FBP2: variants seen among roughly 807,000 people sequenced by gnomAD.
FBP2 encodes fructose-1,6-bisphosphatase isozyme 2.
FBP2 carries 27 observed loss-of-function variants against 31.6 expected under a neutral mutation model. The observed-to-expected ratio is 0.85, with a 90% CI of 0.63 to 1.18. The LOEUF (loss-of-function observed/expected upper bound fraction) is 1.18, where lower values mean the gene tolerates loss of function less well. Among genes scored for constraint, FBP2 ranks in the 50% most tolerant of loss-of-function variants. The pLI is 0.00. For synonymous variants in FBP2, 168 were observed against 179.8 expected (o/e 0.93, Z 0.53); for missense variants, 421 against 436.1 (o/e 0.97, Z 0.31).
At chr9:94,582,775 C>T (rs1478653657) in intron 3 of FBP2, among the ~76,000 whole-genome samples, 4 of 151,686 alleles carry the variant, frequency 2.6e-5, no homozygotes. Flanking sequence ...GTCTCGATCT[C>T]CTGACCTCGT....
At chr9:94,580,521 T>C (rs1056733336) in intron 3 of FBP2, among the ~76,000 whole-genome samples, 2 of 152,230 alleles carry the variant, frequency 1.3e-5, no homozygotes, top group African/African-American at 4.8e-5. Context: ...CCAGCCTGGA[T>C]TGCCTTTTCA....
At chr9:94,579,537 T>C (rs1827355551) in intron 3 of FBP2, among the ~76,000 whole-genome samples, 1 of 152,150 alleles carries the variant, frequency 6.6e-6, no homozygotes, top group Admixed American at 6.5e-5. Context: ...GTATTAAAGT[T>C]TGTGGAGAAT....
chr9:94,568,559 C>G (rs969492640), intron 4 of FBP2: 1 of 152,178 alleles, frequency 6.6e-6, no homozygotes, highest in African/African-American at 2.4e-5. Flanking sequence ...TCCAAAATGA[C>G]AGCTCACAGT....
intron 3 of FBP2, among the ~76,000 whole-genome samples, chr9:94,573,796 T>C (rs1266621758): frequency 1.3e-5 from 2 of 152,238 alleles, no homozygotes; most frequent in Non-Finnish European, 2.9e-5. Flanking sequence ...TTTTGAACAA[T>C]CTTTGTCTGG....
chr9:94,578,164 T>C (rs929822664), intron 3 of FBP2, among the ~76,000 whole-genome samples: 1 of 152,248 alleles, frequency 6.6e-6, no homozygotes, highest in African/African-American at 2.4e-5. Flanking sequence ...GATTGTAAGA[T>C]TATAACCCAG....
intron 1 of FBP2, among the ~76,000 whole-genome samples, chr9:94,589,972 G>A (rs1827472977): frequency 6.6e-6 from 1 of 152,152 alleles, no homozygotes; most frequent in African/African-American, 2.4e-5. Context: ...TGCCACTGGA[G>A]GATGAACAGC....
Position 94,593,608 on chromosome 9 carries a change from G to A in FBP2, c.119C>T (p.Thr40Met), listed in dbSNP as rs557921747. The A allele has an allele frequency of 1.2e-4, 187 of 1,614,170 alleles. 1 individual carries two copies. In the South Asian group the frequency reaches 1.8e-3, roughly 15 times the overall value. The change falls in exon 1 of 7, where the codon ACG (threonine) becomes ATG (methionine). Residue 40 changes from threonine to methionine, a missense_variant. Thr to Met is a moderately conservative substitution (Grantham distance 81). Transcript: ENST00000375337. ...ELTQLLNSML[T>M]AIKAISSAVR... ...AGCCGAGGAGATGGCTTTGATGGCC[G>A]TCAGCATTGAGTTCAGCAGCTGGGT...
In FBP2 at chr9:94,593,697, G is replaced by C; in HGVS notation, c.30C>G (p.Asp10Glu). ...TAACGTAGCGGGTCAGGGTGAGCAT[G>C]TCGGTTTCGAAGGGGCTTCTGTCCG... is the stretch of plus-strand genomic sequence containing the variant. MTDRSPFET[D>E]MLTLTRYVME... Residue 10 changes from aspartate (D) to glutamate (E), a missense_variant, in exon 1 of 7, where the codon GAC becomes GAG. Asp to Glu is a conservative substitution (Grantham distance 45). Coordinates refer to ENST00000375337, the MANE Select transcript of FBP2 (RefSeq NM_003837.4). The C allele has an allele frequency of 6.2e-7, 1 of 1,614,220 alleles. No individual in the cohort carries two copies. The highest frequency in any genetic ancestry group is 8.5e-7 in the Non-Finnish European group (1 of 1,180,020).
chr9:94,575,809 A>G (rs1393161431), intron 3 of FBP2, among the ~76,000 whole-genome samples: 2 of 152,192 alleles, frequency 1.3e-5, no homozygotes, highest in Non-Finnish European at 2.9e-5. Context: ...GAAGAGGAGA[A>G]TGGTGTCTCA....
intron 5 of FBP2, among the ~76,000 whole-genome samples, chr9:94,566,188 G>A (rs554955103): frequency 2.0e-5 from 3 of 152,340 alleles, no homozygotes; most frequent in African/African-American, 7.2e-5. Flanking sequence ...AAAGGGCACT[G>A]TTGGGAACAG....
intron 2 of FBP2, among the ~76,000 whole-genome samples, chr9:94,585,364 G>A (rs1341436756): frequency 6.6e-6 from 1 of 152,142 alleles, no homozygotes; most frequent in Non-Finnish European, 1.5e-5. Context: ...AGTGTTCAAG[G>A]CCCTGGGGTT....
chr9:94,584,753 G>T (rs983145631), intron 2 of FBP2, 84 bp from the exon 3 acceptor site: 98 of 794,516 alleles, frequency 1.2e-4, no homozygotes, highest in Non-Finnish European at 2.0e-4. Context: ...GCGTGGCAGA[G>T]TACACCACAT....
In FBP2 at chr9:94,567,287, T is replaced by C. The variant is rs770872181; in HGVS notation, c.688A>G (p.Lys230Glu). 1.9e-6 allele frequency: 3 copies of C among 1,614,200 alleles called. No homozygotes were observed. In the Admixed American group the frequency reaches 5.0e-5, roughly 27 times the overall value. Residue 230 changes from lysine to glutamate, a missense_variant, in exon 5 of 7, where the codon AAA (lysine) becomes GAA (glutamate). Transcript: ENST00000375337. The stretch of plus-strand genomic sequence containing the variant: ...TCACTCACCTCAGGGAATTTCTTTT[T>C]CTGCACATATTCAGTGGTGGCCGCA... ...FDAATTEYVQ[K>E]KKFPEDGSAP...
intron 3 of FBP2, among the ~76,000 whole-genome samples, chr9:94,574,493 A>C (rs1027189199): frequency 2.6e-5 from 4 of 152,024 alleles, no homozygotes; most frequent in African/African-American, 9.7e-5. Flanking sequence ...TTTTTCTATC[A>C]GGATATTCAA....
At position 94,563,469 on chromosome 9, in the gene FBP2, A is replaced by G; in HGVS notation, c.706-8T>C. ...ATAGGGAGCACTGCCATCCTAGAAG[A>G]CAGAAAGCGAAGAGACAAGATCCAG... On this transcript the variant is annotated splice_region_variant and splice_polypyrimidine_tract_variant and intron_variant, in intron 5 of 6. Coordinates refer to ENST00000375337, the MANE Select transcript of FBP2 (RefSeq NM_003837.4). 5 of 1,611,866 alleles carry G rather than the reference A, an allele frequency of 3.1e-6. No individual in the cohort carries two copies. Among genetic ancestry groups the G allele is most frequent in the Non-Finnish European group, 4.2e-6 (5 of 1,178,646 alleles).
At chr9:94,590,814 C>T (rs7871076) in intron 1 of FBP2, among the ~76,000 whole-genome samples, 9,475 of 152,226 alleles carry the variant, frequency 0.062, 988 homozygotes, top group African/African-American at 0.22. Flanking sequence ...GCCGAGTGGC[C>T]TGTTTTGTCA....
intron 4 of FBP2, chr9:94,569,828 T>C (rs1444104679): frequency 2.6e-5 from 4 of 152,186 alleles, no homozygotes; most frequent in Non-Finnish European, 5.9e-5. Context: ...CAAAATCAAA[T>C]CACCAGCCCT....
chr9:94,590,099 C>G (rs112732127), intron 1 of FBP2, among the ~76,000 whole-genome samples: 1 of 151,940 alleles, frequency 6.6e-6, no homozygotes, highest in Non-Finnish European at 1.5e-5. Flanking sequence ...TCTCTCCAGG[C>G]ACTGGGCAGC....
chr9:94,585,396 C>G (rs1261589181), intron 2 of FBP2, among the ~76,000 whole-genome samples: 3 of 152,030 alleles, frequency 2.0e-5, no homozygotes, highest in Non-Finnish European at 4.4e-5. Context: ...GGTCAGCGAT[C>G]CCGGCAGCAA....
Sources: allele counts gnomAD v4.1 joint callset (sites outside exome capture counted in the v4.1 genomes callset), GRCh38; gene constraint gnomAD v4.1.1; transcripts MANE v1.5; gene names NCBI Gene and HGNC (gene_info 2026-07-23, HGNC 2026-07-21).